Variants in PDGFRL observed in about 807,000 individuals in gnomAD.
The protein encoded by PDGFRL is platelet-derived growth factor receptor-like protein.
In PDGFRL, 46 loss-of-function variants were observed where a neutral mutation model predicts 37.2. That is an observed-to-expected ratio of 1.24 (90% CI 0.98 to 1.58). The LOEUF is 1.58. Among genes scored for constraint, PDGFRL ranks in the 40% most tolerant of loss-of-function variants. The pLI, the probability that PDGFRL is intolerant of heterozygous loss-of-function variation, is 0.00. For missense variants in PDGFRL, 692 were observed against 467.6 expected, an observed-to-expected ratio of 1.48 and a Z score of -4.43; for synonymous variants, 251 against 184.3, an observed-to-expected ratio of 1.36 and a Z score of -2.93.
At chr8:17,634,499 C>A (rs1298378676) in intron 5 of PDGFRL, among the ~76,000 whole-genome samples, 2 of 151,054 alleles carry the variant, frequency 1.3e-5, no homozygotes, top group African/African-American at 4.9e-5. Context: ...TTTTTTAAAC[C>A]CTTAAGTAAG....
chr8:17,635,750 A>C (rs1804959667), intron 5 of PDGFRL, among the ~76,000 whole-genome samples: 2 of 152,216 alleles, frequency 1.3e-5, no homozygotes, highest in African/African-American at 4.8e-5. Context: ...GCAGTGTAAC[A>C]GTGTTGCCTT....
intron 3 of PDGFRL, among the ~76,000 whole-genome samples, chr8:17,627,659 T>C (rs1335762765): frequency 2.9e-4 from 43 of 148,160 alleles, no homozygotes; most frequent in Admixed American, 2.9e-3. Flanking sequence ...TATTTTTAGT[T>C]GAGACGGGGT....
Position 17,586,842 on chromosome 8 carries a change from G to T in PDGFRL, c.56-2626G>T, listed in dbSNP as rs138134907. Among the ~76,000 whole-genome samples, 1,329 of 152,278 alleles carry T rather than the reference G, an allele frequency of 8.7e-3. 22 individuals are homozygous for T. The highest frequency in any genetic ancestry group is 0.029 in the African/African-American group (1,215 of 41,530). On this transcript the variant is annotated intron_variant, in intron 1 of 5. Coordinates refer to ENST00000251630, the MANE Select transcript of PDGFRL (RefSeq NM_001372073.1). ...GCAAGTAGCTTCCCAAGGTCACACA[G>T]CCAGTAAGTGGCAGGCCTGGACCTG... is the stretch of plus-strand genomic sequence containing the variant.
intron 3 of PDGFRL, among the ~76,000 whole-genome samples, chr8:17,623,277 A>C (rs944052094): frequency 6.6e-6 from 1 of 152,202 alleles, no homozygotes; most frequent in South Asian, 2.1e-4. Context: ...TCTAGCTAGC[A>C]TAACTGGTGT....
At chr8:17,610,921 A>T (rs1283664294) in intron 2 of PDGFRL, among the ~76,000 whole-genome samples, 2 of 146,396 alleles carry the variant, frequency 1.4e-5, no homozygotes, top group Non-Finnish European at 3.0e-5. Flanking sequence ...AAAAAATTAC[A>T]CGAGAATTGA....
At chr8:17,640,745 T>C (rs944313215) in intron 5 of PDGFRL, among the ~76,000 whole-genome samples, 25 of 152,238 alleles carry the variant, frequency 1.6e-4, no homozygotes, top group Admixed American at 4.6e-4. Context: ...TAGTTTTGTG[T>C]TGGTCTTCTG....
chr8:17,634,845 C>T (rs145786193), intron 5 of PDGFRL, among the ~76,000 whole-genome samples: 23 of 152,136 alleles, frequency 1.5e-4, no homozygotes, highest in Middle Eastern at 3.4e-3. Flanking sequence ...GGGAGAAGAT[C>T]GGGCAAAATA....
chr8:17,590,721 A>G (rs1803918626), intron 2 of PDGFRL, among the ~76,000 whole-genome samples: 1 of 151,816 alleles, frequency 6.6e-6, no homozygotes, highest in African/African-American at 2.4e-5. Context: ...CAAAAAAATA[A>G]AAAAAAATCA....
At chr8:17,579,544 T>TTTA (rs758303902) in intron 1 of PDGFRL, among the ~76,000 whole-genome samples, 1,432 of 130,286 alleles carry the variant, frequency 0.011, 26 homozygotes, top group Non-Finnish European at 0.012. Context: ...TTATTATTAT[T>TTTA]TTATTATTAT....
chr8:17,637,736 C>G (rs1563531970), intron 5 of PDGFRL, among the ~76,000 whole-genome samples: 1 of 152,130 alleles, frequency 6.6e-6, no homozygotes, highest in African/African-American at 2.4e-5. Context: ...ATTACCATTT[C>G]AATCTCACTG....
At chr8:17,622,464 C>T (rs1480238513) in intron 3 of PDGFRL, among the ~76,000 whole-genome samples, 1 of 152,166 alleles carries the variant, frequency 6.6e-6, no homozygotes, top group East Asian at 1.9e-4. Context: ...ATGTTATGCC[C>T]TGACCATTAA....
rs1305047910 is a variant in PDGFRL at position 17,643,006 on chromosome 8, G to A, written c.*205G>A. On this transcript the variant is annotated 3_prime_UTR_variant, in exon 6 of 6. Transcript: ENST00000251630. ...GAAGTGTTAACTTTTCTAACAGAAA[G>A]CATGATTTTGATTGCTTACCTACAT... is the stretch of plus-strand genomic sequence containing the variant. 1 of 495,418 alleles carries A rather than the reference G, an allele frequency of 2.0e-6. No homozygotes were observed. Among genetic ancestry groups the A allele is most frequent in the Admixed American group, 3.9e-5 (1 of 25,706 alleles). 30.7% of individuals were successfully genotyped at this position (495,418 alleles called of 1,614,324 possible). A position where few individuals can be genotyped will look rare whatever the true frequency, so the allele number is the denominator to read the frequency against.
intron 3 of PDGFRL, 71 bp downstream of exon 3, chr8:17,621,273 C>A: frequency 9.8e-7 from 1 of 1,017,984 alleles, no homozygotes; most frequent in South Asian, 1.6e-5. Context: ...GGTTCCCCCA[C>A]TGCATGCTGA....
At chr8:17,592,780 A>G (rs1398734176) in intron 2 of PDGFRL, among the ~76,000 whole-genome samples, 1 of 152,178 alleles carries the variant, frequency 6.6e-6, no homozygotes, top group African/African-American at 2.4e-5. Flanking sequence ...CTTCACACTG[A>G]AAACTACTAT....
At chr8:17,577,082 TA>T (rs5889721), upstream of PDGFRL, 293 of 520,348 alleles carry the variant, frequency 5.6e-4, no homozygotes, top group African/African-American at 8.8e-3. Context: ...CACAGAGAAC[TA>T]AAAAAAAAAA....
intron 4 of PDGFRL, among the ~76,000 whole-genome samples, chr8:17,633,223 G>A (rs796162180): frequency 3.9e-5 from 6 of 152,272 alleles, no homozygotes; most frequent in African/African-American, 1.4e-4. Context: ...GAGGCCATGA[G>A]TTGCAGATCA....
At chr8:17,585,563 C>T (rs1803797888) in intron 1 of PDGFRL, among the ~76,000 whole-genome samples, 1 of 152,098 alleles carries the variant, frequency 6.6e-6, no homozygotes, top group Admixed American at 6.5e-5. Flanking sequence ...ATGAGAGTGG[C>T]ATCTCTCAGT....
In PDGFRL at chr8:17,628,782, T is replaced by C. The variant is rs1177964247; in HGVS notation, c.799+2T>C. On this transcript the variant is annotated splice_donor_variant, in intron 4 of 5. Coordinates refer to ENST00000251630, the MANE Select transcript of PDGFRL (RefSeq NM_001372073.1). LOFTEE classifies it high-confidence loss of function. ...AGTACCAGCTGCTCTATGTGGCGGG[T>C]AAGCCTGGCCACCCCTGCCTAGATT... 1 of 1,610,358 alleles carries C rather than the reference T, an allele frequency of 6.2e-7. No individual in the cohort carries two copies. Among genetic ancestry groups the C allele is most frequent in the South Asian group, 1.1e-5 (1 of 90,912 alleles).
intron 2 of PDGFRL, among the ~76,000 whole-genome samples, chr8:17,606,827 T>C (rs1804287838): frequency 1.3e-5 from 2 of 152,110 alleles, no homozygotes; most frequent in Non-Finnish European, 2.9e-5. Flanking sequence ...GCTATTTCTG[T>C]TCACCATACT....
Sources: gnomAD v4.1 joint callset for allele counts (sites outside exome capture counted in the v4.1 genomes callset) on GRCh38, gnomAD v4.1.1 for gene constraint, MANE v1.5 for transcripts, NCBI Gene and HGNC (gene_info 2026-07-23, HGNC 2026-07-21) for gene names.